UST: variants seen among roughly 807,000 people sequenced by gnomAD.
UST encodes the protein chondroitin sulfate 2-O-sulfotransferase.
Under a neutral mutation model 45.6 loss-of-function variants are expected in UST, and 21 were observed. The ratio of observed to expected loss-of-function variants is 0.46; its 90% CI spans 0.33 to 0.66. The LOEUF is 0.66. Among genes scored for constraint, UST ranks in the 30% least tolerant of loss-of-function variants. The pLI is 0.02. For missense variants in UST, 463 were observed against 512.4 expected (o/e 0.90, Z 0.93); for synonymous variants, 215 against 200.6 (o/e 1.07, Z -0.61).
intron 1 of UST, among the ~76,000 whole-genome samples, chr6:148,788,150 TTTC>T (rs1006642291): frequency 4.9e-4 from 74 of 152,012 alleles, no homozygotes; most frequent in African/African-American, 1.6e-3. Context: ...GCGAAACGGG[TTTC>T]TTCTTATCAA....
intron 1 of UST, among the ~76,000 whole-genome samples, chr6:148,880,541 A>C (rs888331204): frequency 1.3e-5 from 2 of 152,240 alleles, no homozygotes; most frequent in Admixed American, 1.3e-4. Flanking sequence ...AAGTCCTCCA[A>C]GTGCTCCAAC....
intron 5 of UST, among the ~76,000 whole-genome samples, chr6:148,983,714 A>G (rs1781182762): frequency 6.6e-6 from 1 of 152,252 alleles, no homozygotes; most frequent in South Asian, 2.1e-4. Flanking sequence ...AGCGTATGTT[A>G]AGTTCTGAAA....
At chr6:148,761,018 G>A (rs1776207513) in intron 1 of UST, among the ~76,000 whole-genome samples, 1 of 152,220 alleles carries the variant, frequency 6.6e-6, no homozygotes, top group East Asian at 1.9e-4. Context: ...GCTTTGTGCA[G>A]TGGTATGTTA....
At chr6:148,956,065 C>T (rs2114944239) in intron 4 of UST, 1 of 152,242 alleles carries the variant, frequency 6.6e-6, no homozygotes, top group East Asian at 1.9e-4. Context: ...GCCGTCAGGA[C>T]CTCTGGTGTC....
At chr6:148,946,510 C>CAAAAAAAAAAAAAAAAAAAA (rs71007930) in intron 3 of UST, among the ~76,000 whole-genome samples, 2 of 33,938 alleles carry the variant, frequency 5.9e-5, no homozygotes, top group African/African-American at 2.3e-4. Context: ...GACTCCATCT[C>CAAAAAAAAAAAAAAAAAAAA]AAAAAAAAAA....
At chr6:148,949,971 T>A (rs1780332781) in intron 3 of UST, among the ~76,000 whole-genome samples, 1 of 152,212 alleles carries the variant, frequency 6.6e-6, no homozygotes, top group Admixed American at 6.5e-5. Context: ...TCTCCATGAA[T>A]GGATACCATC....
intron 1 of UST, among the ~76,000 whole-genome samples, chr6:148,757,533 A>G (rs1776121305): frequency 6.6e-6 from 1 of 152,260 alleles, no homozygotes; most frequent in Non-Finnish European, 1.5e-5. Context: ...CAACACGACC[A>G]TACTGTAAAA....
In UST at chr6:148,790,540, C is replaced by T. The variant is rs1232305344; in HGVS notation, c.247+42863C>T. On this transcript the variant is annotated intron_variant, in intron 1 of 7. Coordinates refer to ENST00000367463, the MANE Select transcript of UST (RefSeq NM_005715.3). The surrounding 1 kb of genome is among the most constrained non-coding windows in gnomAD (Gnocchi z 4.2). ...CACCTTGTGCCTGGTGAATGTCAGCCCTGCACTGTTAAGGTGCTGTAGCGG... is the reference window on the plus strand; with the variant it reads ...CACCTTGTGCCTGGTGAATGTCAGCTCTGCACTGTTAAGGTGCTGTAGCGG... 6.6e-6 allele frequency among the ~76,000 whole-genome samples: 1 copy of T among 152,134 alleles called. No individual in the cohort carries two copies. The highest frequency in any genetic ancestry group is 2.4e-5 in the African/African-American group (1 of 41,432).
rs1017771419 is a variant in UST, at chr6:149,066,777, T to G, written c.938-7056T>G. On this transcript the variant is annotated intron_variant, in intron 7 of 7. Coordinates refer to ENST00000367463, the MANE Select transcript of UST (RefSeq NM_005715.3). Reference sequence around the variant, plus strand: ...TTAACAGGAAAAAAAGGAATAAAATTTATTAATATGCATGAAACTGAGCAT... The same window carrying G: ...TTAACAGGAAAAAAAGGAATAAAATGTATTAATATGCATGAAACTGAGCAT... Among the ~76,000 whole-genome samples, 9 of 152,080 alleles carry G rather than the reference T, an allele frequency of 5.9e-5. No individual in the cohort carries two copies. The East Asian group carries it at 7.7e-4, about 13-fold the overall frequency.
At chr6:148,972,932 TGAG>T (rs1780948532) in intron 5 of UST, among the ~76,000 whole-genome samples, 1 of 152,126 alleles carries the variant, frequency 6.6e-6, no homozygotes, top group Non-Finnish European at 1.5e-5. Flanking sequence ...TAGCTGAGGT[TGAG>T]AACTACTGAG....
At chr6:149,034,401 C>T (rs1013566653) in intron 7 of UST, among the ~76,000 whole-genome samples, 2 of 150,218 alleles carry the variant, frequency 1.3e-5, no homozygotes, top group Admixed American at 6.6e-5. Flanking sequence ...CCTCCCTTCC[C>T]GCAGAGGCCC....
intron 1 of UST, among the ~76,000 whole-genome samples, chr6:148,768,004 A>G (rs1166387042): frequency 6.6e-6 from 1 of 152,130 alleles, no homozygotes; most frequent in African/African-American, 2.4e-5. Flanking sequence ...AGACTTCCCT[A>G]TTGCCTTGGG....
intron 1 of UST, among the ~76,000 whole-genome samples, chr6:148,775,834 G>A (rs920185361): frequency 6.6e-6 from 1 of 151,996 alleles, no homozygotes; most frequent in African/African-American, 2.4e-5. Context: ...GTTTCACCAT[G>A]TTGGTCAGGC....
At chr6:149,017,793 C>CATATATAT (rs772511492) in intron 5 of UST, among the ~76,000 whole-genome samples, 101 of 54,400 alleles carry the variant, frequency 1.9e-3, no homozygotes, top group Middle Eastern at 7.8e-3. Flanking sequence ...AATGAATATC[C>CATATATAT]ATATATACAC....
At chr6:148,937,570 G>A (rs1780047440) in intron 2 of UST, among the ~76,000 whole-genome samples, 1 of 152,156 alleles carries the variant, frequency 6.6e-6, no homozygotes, top group African/African-American at 2.4e-5. Context: ...CTGCTACTGT[G>A]CTGATTACCC....
In UST at chr6:148,985,469, C is replaced by T. The variant is rs527450792; in HGVS notation, c.681+20906C>T. Among the ~76,000 whole-genome samples the T allele has an allele frequency of 1.1e-4, 17 of 152,116 alleles. 1 individual carries two copies. The South Asian group carries it at 3.1e-3, about 28-fold the overall frequency. On this transcript the variant is annotated intron_variant, in intron 5 of 7. Transcript: ENST00000367463. The stretch of plus-strand genomic sequence containing the variant: ...TAGAGGTGTGGTGGTGTCAGAGAAT[C>T]AGAGGAAAAAAGTTCTGAGAGGTTC...
intron 1 of UST, among the ~76,000 whole-genome samples, chr6:148,794,329 A>G (rs2114707742): frequency 6.6e-6 from 1 of 152,338 alleles, no homozygotes; most frequent in Middle Eastern, 3.4e-3. Flanking sequence ...TTGTGATTGA[A>G]GAGCAGGTGA....
At chr6:148,778,722 A>G (rs1227027808) in intron 1 of UST, among the ~76,000 whole-genome samples, 1 of 152,164 alleles carries the variant, frequency 6.6e-6, no homozygotes, top group Non-Finnish European at 1.5e-5. Flanking sequence ...GGGCACCTGT[A>G]AGTAAGCCAT....
intron 7 of UST, among the ~76,000 whole-genome samples, chr6:149,071,990 G>T (rs1776825554): frequency 6.6e-6 from 1 of 152,118 alleles, no homozygotes; most frequent in African/African-American, 2.4e-5. Context: ...CAAAACCACA[G>T]TGAGATACCA....
Sources: allele counts gnomAD v4.1 joint callset (sites outside exome capture counted in the v4.1 genomes callset), GRCh38; gene constraint gnomAD v4.1.1; non-coding constraint Gnocchi (gnomAD v3.1); transcripts MANE v1.5; gene names NCBI Gene and HGNC (gene_info 2026-07-23, HGNC 2026-07-21).